Variants in PHLPP1 observed in about 807,000 individuals in gnomAD.
The protein encoded by PHLPP1 is PH domain and leucine rich repeat protein phosphatase 1.
A neutral mutation model predicts 117.2 loss-of-function variants in PHLPP1; 42 were observed. The observed-to-expected ratio is 0.36, with a 90% confidence interval of 0.28 to 0.46. The LOEUF is 0.46. Among genes scored for constraint, PHLPP1 ranks in the 20% least tolerant of loss-of-function variants. The pLI is 1.00. For synonymous variants in PHLPP1, 1,042 were observed against 970.7 expected (o/e 1.07, Z -1.37); for missense variants, 2,084 against 2,241.9 (o/e 0.93, Z 1.42).
rs1402320331 is a variant in PHLPP1 at position 62,978,147 on chromosome 18, A to ACAG, written c.3985-112_3985-110dup. On this transcript the variant is annotated intron_variant, in intron 16 of 16. Transcript: ENST00000262719. The surrounding 1 kb of genome is among the most constrained non-coding windows in gnomAD (Gnocchi z 7.0). ...AGCCCTTCTTTCCTCTGTGGGCCAC[A>ACAG]CAGCACTTCTCTGTGGTCCTACAGT... 3.2e-6 allele frequency: 2 copies of ACAG among 625,430 alleles called. No homozygotes were observed. Among genetic ancestry groups the ACAG allele is most frequent in the Non-Finnish European group, 5.7e-6 (2 of 350,768 alleles). The allele number at this position is 625,430 out of a possible 1,614,324, so 38.7% of individuals were successfully genotyped here. A position where few individuals can be genotyped will look rare whatever the true frequency, so the allele number is the denominator to read the frequency against.
intron 1 of PHLPP1, among the ~76,000 whole-genome samples, chr18:62,755,990 C>T (rs981137140): frequency 1.3e-5 from 2 of 149,320 alleles, no homozygotes; most frequent in Non-Finnish European, 3.0e-5. Context: ...GTTCCCCCCC[C>T]CCTTCAATTT....
chr18:62,755,173 G>T (rs1911973505), intron 1 of PHLPP1, among the ~76,000 whole-genome samples: 1 of 152,056 alleles, frequency 6.6e-6, no homozygotes, highest in Non-Finnish European at 1.5e-5. Flanking sequence ...CCCCTGGATA[G>T]ATAGATGATC....
rs532639125 is a variant in PHLPP1 at position 62,742,538 on chromosome 18, C to T, written c.1576+25279C>T. 3.9e-4 allele frequency among the ~76,000 whole-genome samples: 59 copies of T among 152,242 alleles called. 1 individual carries two copies. The highest frequency in any genetic ancestry group is 1.1e-3 in the African/African-American group (45 of 41,540). On this transcript the variant is annotated intron_variant, in intron 1 of 16. Transcript: ENST00000262719. Reference sequence around the variant, plus strand: ...GCAACTTCCGCCTCCCGGGTTCAAGCGATTCTCCTGCCTCAGCCTCCTGAG... The same window carrying T: ...GCAACTTCCGCCTCCCGGGTTCAAGTGATTCTCCTGCCTCAGCCTCCTGAG...
At chr18:62,836,842 A>G (rs1244245122) in intron 2 of PHLPP1, among the ~76,000 whole-genome samples, 2 of 152,060 alleles carry the variant, frequency 1.3e-5, no homozygotes, top group African/African-American at 2.4e-5. Flanking sequence ...CTGTAATCCC[A>G]TCTACTCAAG....
At chr18:62,824,528 G>T (rs536820009) in intron 1 of PHLPP1, among the ~76,000 whole-genome samples, 7 of 152,096 alleles carry the variant, frequency 4.6e-5, no homozygotes, top group Non-Finnish European at 7.3e-5. Context: ...ATGAGGAAAC[G>T]GCAGTGATCA....
intron 12 of PHLPP1, among the ~76,000 whole-genome samples, chr18:62,957,907 T>C (rs547328214): frequency 6.6e-6 from 1 of 152,190 alleles, no homozygotes; most frequent in Admixed American, 6.5e-5. Flanking sequence ...GGGGTTTCAC[T>C]GTGTTGCCCA....
intron 2 of PHLPP1, among the ~76,000 whole-genome samples, chr18:62,831,060 A>T (rs1914745050): frequency 6.6e-6 from 1 of 152,168 alleles, no homozygotes; most frequent in Non-Finnish European, 1.5e-5. Context: ...ATGTGATGCA[A>T]CGGATATATT....
intron 12 of PHLPP1, among the ~76,000 whole-genome samples, chr18:62,954,661 A>G (rs2144470672): frequency 6.6e-6 from 1 of 152,302 alleles, no homozygotes; most frequent in South Asian, 2.1e-4. Context: ...GTGCAGAAGT[A>G]TAAAAGGGTG....
intron 4 of PHLPP1, among the ~76,000 whole-genome samples, chr18:62,881,185 A>C (rs562423820): frequency 1.3e-5 from 2 of 152,206 alleles, no homozygotes; most frequent in Non-Finnish European, 2.9e-5. Flanking sequence ...TCAAGGCTGC[A>C]GTGAGCTATG....
chr18:62,965,196 A>G (rs1221857948), intron 14 of PHLPP1, among the ~76,000 whole-genome samples: 1 of 152,062 alleles, frequency 6.6e-6, no homozygotes, highest in African/African-American at 2.4e-5. Context: ...AAGTTTCTCG[A>G]GAGGTTTTTG....
chr18:62,753,026 T>C lies in PHLPP1; in HGVS notation c.1576+35767T>C, dbSNP rs181047545. ...ACAAAGAAAAATAGCTGTTTAAGGG[T>C]TATGACAAGAAGAATTCTGACATGT... On this transcript the variant is annotated intron_variant, in intron 1 of 16. Transcript: ENST00000262719. 1.3e-3 allele frequency among the ~76,000 whole-genome samples: 192 copies of C among 152,292 alleles called. 1 individual carries two copies. Among genetic ancestry groups the C allele is most frequent in the Non-Finnish European group, 8.1e-4 (55 of 68,012 alleles).
At chr18:62,816,733 A>G (rs1267323724) in intron 1 of PHLPP1, among the ~76,000 whole-genome samples, 1 of 152,100 alleles carries the variant, frequency 6.6e-6, no homozygotes, top group African/African-American at 2.4e-5. Flanking sequence ...TTTGGGGGAT[A>G]TATTTTTTGT....
chr18:62,733,009 G>A (rs935394702), intron 1 of PHLPP1, among the ~76,000 whole-genome samples: 1 of 152,206 alleles, frequency 6.6e-6, no homozygotes, highest in Non-Finnish European at 1.5e-5. Flanking sequence ...TACTGGTGAA[G>A]AAGCTGTGAA....
intron 1 of PHLPP1, among the ~76,000 whole-genome samples, chr18:62,790,071 G>A (rs9958375): frequency 0.21 from 32,052 of 152,084 alleles, 4,993 homozygotes; most frequent in African/African-American, 0.44. Context: ...AATACAGATT[G>A]CATAAAAGAG....
chr18:62,895,840 A>C lies in PHLPP1; in HGVS notation c.2273A>C (p.Asn758Thr). ...FLQSLPAELE[N>T]MKQLSYLGLS... The stretch of plus-strand genomic sequence containing the variant: ...CAATCCCTTCCTGCTGAGTTGGAGA[A>C]CATGAAGCAGCTTAGTTATCTGGGT... Residue 758 changes from asparagine to threonine, a missense_variant, in exon 6 of 17, where the codon AAC (asparagine) becomes ACC (threonine). Asn to Thr is a moderately conservative substitution (Grantham distance 65). Transcript: ENST00000262719. The C allele has an allele frequency of 6.2e-7, 1 of 1,613,850 alleles. No individual in the cohort carries two copies. Among genetic ancestry groups the C allele is most frequent in the East Asian group, 2.2e-5 (1 of 44,880 alleles).
intron 1 of PHLPP1, among the ~76,000 whole-genome samples, chr18:62,820,512 A>C (rs1914419812): frequency 6.6e-6 from 1 of 152,230 alleles, no homozygotes; most frequent in South Asian, 2.1e-4. Context: ...GAGGTAATTG[A>C]ATCATGGGGG....
rs1910739945 is a variant in PHLPP1 at position 62,960,610 on chromosome 18, A to G, written c.3455+1851A>G. 1.3e-5 allele frequency among the ~76,000 whole-genome samples: 2 copies of G among 152,240 alleles called. 1 individual carries two copies. The highest frequency in any genetic ancestry group is 4.1e-4 in the South Asian group (2 of 4,836). On this transcript the variant is annotated intron_variant, in intron 13 of 16. Coordinates refer to ENST00000262719, the MANE Select transcript of PHLPP1 (RefSeq NM_194449.4). ...TTAACATTTAACAGATGCAGTACAAATAGTTACATGAAAAGATGTTCAAAC... is the reference window on the plus strand; with the variant it reads ...TTAACATTTAACAGATGCAGTACAAGTAGTTACATGAAAAGATGTTCAAAC...
Position 62,765,848 on chromosome 18 carries a change from A to G in PHLPP1, c.1576+48589A>G, listed in dbSNP as rs78177373. Among the ~76,000 whole-genome samples the G allele has an allele frequency of 6.1e-4, 93 of 151,308 alleles. No homozygotes were observed. In the Middle Eastern group the frequency reaches 0.01, roughly 17 times the overall value. Reference sequence around the variant, plus strand: ...GTCTGTACTAAAATTACAAAAAAAAATTAGCTGGGTGTGGTGGCAGGTGCC... The same window carrying G: ...GTCTGTACTAAAATTACAAAAAAAAGTTAGCTGGGTGTGGTGGCAGGTGCC... On this transcript the variant is annotated intron_variant, in intron 1 of 16. Transcript: ENST00000262719.
intron 1 of PHLPP1, among the ~76,000 whole-genome samples, chr18:62,749,829 A>G (rs1911790632): frequency 6.6e-6 from 1 of 152,204 alleles, no homozygotes; most frequent in South Asian, 2.1e-4. Context: ...TAGCCTGGCC[A>G]ACATGGTGAA....
Sources: allele counts gnomAD v4.1 joint callset (sites outside exome capture counted in the v4.1 genomes callset), GRCh38; gene constraint gnomAD v4.1.1; non-coding constraint Gnocchi (gnomAD v3.1); transcripts MANE v1.5; gene names NCBI Gene and HGNC (gene_info 2026-07-23, HGNC 2026-07-21).